Variants in SPACA9 observed in about 807,000 individuals in gnomAD.
SPACA9 encodes sperm acrosome associated 9, also known as sperm acrosome-associated protein 9.
A neutral mutation model predicts 12.5 loss-of-function variants in SPACA9; 14 were observed. The ratio of observed to expected loss-of-function variants is 1.12; its 90% CI spans 0.74 to 1.75. The LOEUF is 1.75. Ranked by LOEUF, SPACA9 falls within the 40% of genes most tolerant of loss-of-function variation. The pLI is 0.00. For missense variants in SPACA9, 292 were observed against 291.9 expected (o/e 1.00, Z 0.00); for synonymous variants, 111 against 114.1 (o/e 0.97, Z 0.17).
chr9:132,878,414 G>A (rs1844258738), upstream of SPACA9: 2 of 1,236,780 alleles, frequency 1.6e-6, no homozygotes, highest in Non-Finnish European at 2.0e-6. The surrounding 1 kb of genome is among the most constrained non-coding windows in gnomAD (Gnocchi z 4.7). Context: ...CGACCTCCCC[G>A]GCTGACGCGC....
chr9:132,879,977 G>A (rs1248769825), intron 1 of SPACA9, among the ~76,000 whole-genome samples: 2 of 152,128 alleles, frequency 1.3e-5, no homozygotes, highest in African/African-American at 2.4e-5. Context: ...CCTCCAAACC[G>A]CTTCCTCAAA....
chr9:132,883,095 T>C (rs573206271), intron 1 of SPACA9, among the ~76,000 whole-genome samples: 6 of 151,796 alleles, frequency 4.0e-5, no homozygotes, highest in Non-Finnish European at 7.4e-5. Flanking sequence ...CACAGGAGGA[T>C]TGTAGATGCT....
In SPACA9 at chr9:132,888,038, CT is replaced by C. The variant is rs1157138939; in HGVS notation, c.348-251del. Among the ~76,000 whole-genome samples the C allele has an allele frequency of 2.6e-5, 4 of 152,166 alleles. No individual in the cohort carries two copies. The highest frequency in any genetic ancestry group is 4.4e-5 in the Non-Finnish European group (3 of 68,034). On this transcript the variant is annotated intron_variant, in intron 3 of 3. Coordinates refer to ENST00000356311, the MANE Select transcript of SPACA9 (RefSeq NM_001316897.2). This position sits in a 1 kb window ranked among gnomAD's most constrained non-coding sequence, Gnocchi z 5.0. ...GGATGAGCCAGCCAGTTCCTCACCC[CT>C]AACCCAGGTTTCTACGGACCATGGG...
rs765250258 is a variant in SPACA9 at position 132,888,455 on chromosome 9, G to A, written c.513G>A (p.Ala171=). Reference sequence around the variant, plus strand: ...TGCAGCACGTGAGTGAGCCCCAGGCGCACCAGGAGAGCACCAGGGGAGCCG... The same window carrying A: ...TGCAGCACGTGAGTGAGCCCCAGGCACACCAGGAGAGCACCAGGGGAGCCG... The part of the protein sequence containing the change: ...KVLQHVSEPQ[A]HQESTRGAAR... Residue 171 remains alanine, a synonymous_variant, in exon 4 of 4, where the codon GCG becomes GCA. Transcript: ENST00000356311. This position sits in a 1 kb window ranked among gnomAD's most constrained non-coding sequence, Gnocchi z 5.0. The A allele has an allele frequency of 1.1e-5, 17 of 1,612,676 alleles. No individual in the cohort carries two copies. The highest frequency in any genetic ancestry group is 1.7e-5 in the Admixed American group (1 of 59,914).
Position 132,883,934 on chromosome 9 carries a change from C to CA in SPACA9, c.-13dup. The CA allele has an allele frequency of 6.2e-7, 1 of 1,613,616 alleles. No homozygotes were observed. The highest frequency in any genetic ancestry group is 8.5e-7 in the Non-Finnish European group (1 of 1,179,560). The stretch of plus-strand genomic sequence containing the variant: ...AGATTCCTCTTCTCCTGTAAATGAC[C>CA]ACAGAGGAAGACAATGAATGAGGTG... On this transcript the variant is annotated 5_prime_UTR_variant, in exon 2 of 4. Coordinates refer to ENST00000356311, the MANE Select transcript of SPACA9 (RefSeq NM_001316897.2).
At position 132,888,419 on chromosome 9, in the gene SPACA9, G is replaced by GC; in HGVS notation, c.478dup (p.Arg160ProfsTer9). 6.2e-7 allele frequency: 1 copy of GC among 1,613,850 alleles called. No individual in the cohort carries two copies. Among genetic ancestry groups the GC allele is most frequent in the East Asian group, 2.2e-5 (1 of 44,866 alleles). ...GGATCGCCCACTCCGAGAAGTTGCC[G>GC]CGCAAGGTGCTGCAGCACGTGAGTG... On this transcript the variant is annotated frameshift_variant, in exon 4 of 4. Coordinates refer to ENST00000356311, the MANE Select transcript of SPACA9 (RefSeq NM_001316897.2). LOFTEE classifies it low-confidence loss of function (END_TRUNC). The surrounding 1 kb of genome is among the most constrained non-coding windows in gnomAD (Gnocchi z 5.0).
At chr9:132,882,829 G>A (rs111844573) in intron 1 of SPACA9, among the ~76,000 whole-genome samples, 1 of 152,260 alleles carries the variant, frequency 6.6e-6, no homozygotes, top group Non-Finnish European at 1.5e-5. Flanking sequence ...AGGGGCAGCC[G>A]AGTGTGGCAG....
chr9:132,883,326 C>T (rs554550222), intron 1 of SPACA9, among the ~76,000 whole-genome samples: 2 of 152,360 alleles, frequency 1.3e-5, no homozygotes, highest in East Asian at 3.9e-4. Flanking sequence ...ACTAGACAGT[C>T]TAGTATTGAT....
chr9:132,879,066 GGGTCAGAAACT>G (rs1163302160), intron 1 of SPACA9, 52 bp downstream of exon 1: 1 of 152,484 alleles, frequency 6.6e-6, no homozygotes, highest in Non-Finnish European at 1.5e-5. Context: ...CCCGGCCTCT[GGGTCAGAAACT>G]GGAAGCTGGG....
At chr9:132,886,110 T>G (rs182185926) in intron 2 of SPACA9, among the ~76,000 whole-genome samples, 1 of 152,356 alleles carries the variant, frequency 6.6e-6, no homozygotes, top group East Asian at 1.9e-4. Flanking sequence ...GACAAACGGT[T>G]ACAGCAAGAA....
Position 132,883,992 on chromosome 9 carries a change from C to T in SPACA9, c.45C>T (p.Tyr15=). 1 of 1,614,200 alleles carries T rather than the reference C, an allele frequency of 6.2e-7. No homozygotes were observed. The highest frequency in any genetic ancestry group is 8.5e-7 in the Non-Finnish European group (1 of 1,180,028). Residue 15 remains tyrosine, a synonymous_variant, in exon 2 of 4, where the codon TAC becomes TAT. Coordinates refer to ENST00000356311, the MANE Select transcript of SPACA9 (RefSeq NM_001316897.2). ...CCCTTCGCAGCATCGAGCAGAAGTACAAGCTCTTCCAGCAGCAGCAGCTCA... is the reference window on the plus strand; with the variant it reads ...CCCTTCGCAGCATCGAGCAGAAGTATAAGCTCTTCCAGCAGCAGCAGCTCA... The part of the protein sequence containing the change: ...KESLRSIEQK[Y]KLFQQQQLTF...
chr9:132,888,639 G>C lies in SPACA9; in HGVS notation c.*28G>C. On this transcript the variant is annotated 3_prime_UTR_variant, in exon 4 of 4. Coordinates refer to ENST00000356311, the MANE Select transcript of SPACA9 (RefSeq NM_001316897.2). This position sits in a 1 kb window ranked among gnomAD's most constrained non-coding sequence, Gnocchi z 5.0. ...CAGAGCCAGGAGCTCCGTCGGCGGA[G>C]AGCTTTGCTGTTTAATTTGGATTTT... The C allele has an allele frequency of 6.7e-7, 1 of 1,494,776 alleles. No individual in the cohort carries two copies. The highest frequency in any genetic ancestry group is 1.3e-5 in the South Asian group (1 of 74,870). 92.6% of individuals were successfully genotyped at this position (1,494,776 alleles called of 1,614,324 possible).
Position 132,890,025 on chromosome 9 carries a change from A to G in SPACA9, c.*1414A>G, listed in dbSNP as rs952989241. 6 of 1,425,740 alleles carry G rather than the reference A, an allele frequency of 4.2e-6. No homozygotes were observed. Among genetic ancestry groups the G allele is most frequent in the African/African-American group, 2.9e-5 (2 of 68,680 alleles). The allele number at this position is 1,425,740 out of a possible 1,614,324, so 88.3% of individuals were successfully genotyped here. ...GACAGTCAAGAATAAAAAGTATTCT[A>G]CCACCTCTCTGCCTGACTTGGTTTC... On this transcript the variant is annotated 3_prime_UTR_variant, in exon 4 of 4. Coordinates refer to ENST00000356311, the MANE Select transcript of SPACA9 (RefSeq NM_001316897.2).
At chr9:132,886,338 T>G (rs1484485600) in intron 2 of SPACA9, among the ~76,000 whole-genome samples, 1 of 152,216 alleles carries the variant, frequency 6.6e-6, no homozygotes, top group Non-Finnish European at 1.5e-5. Flanking sequence ...CTTACTGGCC[T>G]GCCCCTCCTT....
At chr9:132,879,300 A>G (rs1269581199) in intron 1 of SPACA9, among the ~76,000 whole-genome samples, 1 of 152,144 alleles carries the variant, frequency 6.6e-6, no homozygotes, top group African/African-American at 2.4e-5. Context: ...GAGCTGTAAG[A>G]GTTTGTTGAA....
upstream of SPACA9, chr9:132,878,433 T>A: frequency 8.1e-7 from 1 of 1,230,888 alleles, no homozygotes; most frequent in Non-Finnish European, 1.0e-6. The surrounding 1 kb of genome is among the most constrained non-coding windows in gnomAD (Gnocchi z 4.7). Context: ...GCTCTGCGGC[T>A]CGGGCAAGTT....
chr9:132,883,946 C>T lies in SPACA9; in HGVS notation c.-2C>T, dbSNP rs1478703117. On this transcript the variant is annotated 5_prime_UTR_variant, in exon 2 of 4. Transcript: ENST00000356311. ...TCCTGTAAATGACCACAGAGGAAGA[C>T]AATGAATGAGGTGAAAGAATCCCTT... 6.2e-7 allele frequency: 1 copy of T among 1,614,138 alleles called. No individual in the cohort carries two copies. Among genetic ancestry groups the T allele is most frequent in the East Asian group, 2.2e-5 (1 of 44,884 alleles).
Position 132,887,723 on chromosome 9 carries a change from G to A in SPACA9, c.347+152G>A. 1.5e-6 allele frequency: 1 copy of A among 664,628 alleles called. No individual in the cohort carries two copies. The highest frequency in any genetic ancestry group is 2.6e-6 in the Non-Finnish European group (1 of 385,938). 41.2% of individuals were successfully genotyped at this position (664,628 alleles called of 1,614,324 possible). On this transcript the variant is annotated intron_variant, in intron 3 of 3. Transcript: ENST00000356311. This position sits in a 1 kb window ranked among gnomAD's most constrained non-coding sequence, Gnocchi z 5.4. ...TCCACTCATTTATTGGAATGACTCGGATTCAACAAAACCTTTTCTTTACAA... is the reference window on the plus strand; with the variant it reads ...TCCACTCATTTATTGGAATGACTCGAATTCAACAAAACCTTTTCTTTACAA...
At position 132,887,677 on chromosome 9, in the gene SPACA9, C is replaced by A; in HGVS notation, c.347+106C>A. 1 of 910,022 alleles carries A rather than the reference C, an allele frequency of 1.1e-6. No homozygotes were observed. The highest frequency in any genetic ancestry group is 1.7e-6 in the Non-Finnish European group (1 of 582,738). 56.4% of individuals were successfully genotyped at this position (910,022 alleles called of 1,614,324 possible). ...GATCATGGTGCTCCTATTAGACCAC[C>A]CCGGGCAGGAAATCCCAGTCTCCAC... On this transcript the variant is annotated intron_variant, in intron 3 of 3. Coordinates refer to ENST00000356311, the MANE Select transcript of SPACA9 (RefSeq NM_001316897.2). The surrounding 1 kb of genome is among the most constrained non-coding windows in gnomAD (Gnocchi z 5.4).
Sources: allele counts gnomAD v4.1 joint callset (sites outside exome capture counted in the v4.1 genomes callset), GRCh38; gene constraint gnomAD v4.1.1; non-coding constraint Gnocchi (gnomAD v3.1); transcripts MANE v1.5; gene names NCBI Gene and HGNC (gene_info 2026-07-23, HGNC 2026-07-21).